TAGLN2: variants seen among roughly 807,000 people sequenced by gnomAD.
TAGLN2 encodes the protein transgelin 2.
In TAGLN2, 14 loss-of-function variants were observed where a neutral mutation model predicts 24.9. That is an observed-to-expected ratio of 0.56 (90% CI 0.37 to 0.88). The LOEUF is 0.88. Ranked by LOEUF, TAGLN2 falls within the 40% of genes least tolerant of loss-of-function variation. The pLI is 0.00. For missense variants in TAGLN2, 208 were observed against 258.9 expected (o/e 0.80, Z 1.35); for synonymous variants, 77 against 98.2 (o/e 0.78, Z 1.28).
intron 1 of TAGLN2, chr1:159,923,414 A>C (rs1650598818): frequency 3.2e-6 from 5 of 1,549,740 alleles, no homozygotes; most frequent in Non-Finnish European, 4.4e-6. Context: ...GGCCCCACCC[A>C]GACCCTGGGC....
At chr1:159,919,109 C>T in intron 4 of TAGLN2, 165 bp downstream of exon 4, 1 of 1,269,542 alleles carries the variant, frequency 7.9e-7, no homozygotes, top group Non-Finnish European at 1.1e-6. Flanking sequence ...AAGGGACAGT[C>T]ATTTGCCATC....
intron 1 of TAGLN2, 91 bp from the exon 2 acceptor site, chr1:159,920,628 A>C (rs1285896932): frequency 6.7e-7 from 1 of 1,499,414 alleles, no homozygotes. Context: ...GATATACACC[A>C]TTTCCCCCAC....
At chr1:159,923,705 C>T (rs1650610083) in intron 1 of TAGLN2, 3 of 399,812 alleles carry the variant, frequency 7.5e-6, no homozygotes, top group African/African-American at 2.2e-5. Context: ...CGTAGGGCAG[C>T]CCCTCACCAC....
chr1:159,918,571 G>A lies in TAGLN2; in HGVS notation c.*229C>T, dbSNP rs181751868. On this transcript the variant is annotated 3_prime_UTR_variant, in exon 5 of 5. Coordinates refer to ENST00000368097, the MANE Select transcript of TAGLN2 (RefSeq NM_003564.3). Reference sequence around the variant, plus strand: ...AAATTTTGGTCCCAGGGGAAAGGAAGAGGCCAGTTGGTCCAGTTTTGATGG... The same window carrying A: ...AAATTTTGGTCCCAGGGGAAAGGAAAAGGCCAGTTGGTCCAGTTTTGATGG... The A allele has an allele frequency of 2.4e-5, 13 of 546,438 alleles. No individual in the cohort carries two copies. The highest frequency in any genetic ancestry group is 5.0e-4 in the Middle Eastern group (1 of 1,982). The allele number at this position is 546,438 out of a possible 1,614,324, so 33.8% of individuals were successfully genotyped here. A position where few individuals can be genotyped will look rare whatever the true frequency, so the allele number is the denominator to read the frequency against.
chr1:159,923,728 G>A (rs768118688), intron 1 of TAGLN2: 63 of 414,582 alleles, frequency 1.5e-4, no homozygotes, highest in South Asian at 7.8e-4. Flanking sequence ...AGAGTCAGGA[G>A]CAGAAGAGAA....
rs1571202838 is a variant in TAGLN2 at position 159,920,634 on chromosome 1, C to T, written c.-28-97G>A. On this transcript the variant is annotated intron_variant, in intron 1 of 4. Transcript: ENST00000368097. ...GCCTGCAGGGATATACACCATTTCC[C>T]CCACGGTGAGCCCCAAGGATGAGGA... 11 of 1,490,414 alleles carry T rather than the reference C, an allele frequency of 7.4e-6. No individual in the cohort carries two copies. In the East Asian group the frequency reaches 2.7e-4, roughly 37 times the overall value. The allele number at this position is 1,490,414 out of a possible 1,614,324, so 92.3% of individuals were successfully genotyped here. A position where few individuals can be genotyped will look rare whatever the true frequency, so the allele number is the denominator to read the frequency against.
At position 159,918,675 on chromosome 1, in the gene TAGLN2, AC is replaced by A. The variant is rs1242357582; in HGVS notation, c.*124del. The A allele has an allele frequency of 9.5e-6, 13 of 1,373,570 alleles. No homozygotes were observed. The highest frequency in any genetic ancestry group is 2.6e-4 in the Middle Eastern group (1 of 3,798). The allele number at this position is 1,373,570 out of a possible 1,614,324, so 85.1% of individuals were successfully genotyped here. Reference sequence around the variant, plus strand: ...CCTCAGAGGTGACAGGACAGGCTGAACCCCCCACCCTGACAGAAAGGAGCTT... The same window carrying A: ...CCTCAGAGGTGACAGGACAGGCTGAACCCCCACCCTGACAGAAAGGAGCTT... On this transcript the variant is annotated 3_prime_UTR_variant, in exon 5 of 5. Coordinates refer to ENST00000368097, the MANE Select transcript of TAGLN2 (RefSeq NM_003564.3).
In TAGLN2 at chr1:159,918,705, A is replaced by G. The variant is rs1650422674; in HGVS notation, c.*95T>C. The stretch of plus-strand genomic sequence containing the variant: ...CCACCCTGACAGAAAGGAGCTTGAG[A>G]GCTCTGGGGCTCTCTGGGAATGTCA... On this transcript the variant is annotated 3_prime_UTR_variant, in exon 5 of 5. Coordinates refer to ENST00000368097, the MANE Select transcript of TAGLN2 (RefSeq NM_003564.3). The G allele has an allele frequency of 6.6e-7, 1 of 1,513,240 alleles. No individual in the cohort carries two copies. The highest frequency in any genetic ancestry group is 2.0e-5 in the Admixed American group (1 of 50,456). 93.7% of individuals were successfully genotyped at this position (1,513,240 alleles called of 1,614,324 possible). A position where few individuals can be genotyped will look rare whatever the true frequency, so the allele number is the denominator to read the frequency against.
intron 1 of TAGLN2, chr1:159,923,547 G>T: frequency 1.4e-6 from 2 of 1,438,610 alleles, no homozygotes; most frequent in Non-Finnish European, 1.9e-6. Context: ...TCCATCCACC[G>T]TGCAGATGGA....
chr1:159,919,605 C>T, intron 3 of TAGLN2, 56 bp downstream of exon 3: 2 of 1,594,760 alleles, frequency 1.3e-6, no homozygotes, highest in Non-Finnish European at 8.6e-7. Context: ...TCAAGAGGGC[C>T]CAGCCCAATC....
At chr1:159,919,536 G>A in intron 3 of TAGLN2, 125 bp downstream of exon 3, 1 of 1,359,560 alleles carries the variant, frequency 7.4e-7, no homozygotes, top group Non-Finnish European at 1.0e-6. Flanking sequence ...GTGCTCCATG[G>A]AACACAAACA....
intron 1 of TAGLN2, among the ~76,000 whole-genome samples, chr1:159,921,654 T>C (rs1265664175): frequency 2.0e-5 from 3 of 152,238 alleles, no homozygotes; most frequent in South Asian, 4.1e-4. Context: ...GGTGATATTT[T>C]TGGGGAAACC....
rs1650419843 is a variant in TAGLN2, at chr1:159,918,626, T to C, written c.*174A>G. 3.6e-6 allele frequency: 3 copies of C among 844,922 alleles called. No homozygotes were observed. The highest frequency in any genetic ancestry group is 3.7e-4 in the Middle Eastern group (1 of 2,712). 52.3% of individuals were successfully genotyped at this position (844,922 alleles called of 1,614,324 possible). ...GGGGAAGGGAATGTATTAGTAAGCA[T>C]GGGGGAGAGGATGCCAGCAGGCACC... is the stretch of plus-strand genomic sequence containing the variant. On this transcript the variant is annotated 3_prime_UTR_variant, in exon 5 of 5. Transcript: ENST00000368097.
Position 159,919,703 on chromosome 1 carries a change from T to C in TAGLN2, c.313A>G (p.Ile105Val), listed in dbSNP as rs1650463360. ...QFLQAAERYG[I>V]NTTDIFQTVD... Reference sequence around the variant, plus strand: ...GTTTGGAAGATGTCAGTGGTGTTAATGCCATAGCGCTCAGCTGCTTGCAGG... The same window carrying C: ...GTTTGGAAGATGTCAGTGGTGTTAACGCCATAGCGCTCAGCTGCTTGCAGG... The change falls in exon 3 of 5, where the codon ATT (isoleucine) becomes GTT (valine). Residue 105 changes from isoleucine to valine, a missense_variant. Coordinates refer to ENST00000368097, the MANE Select transcript of TAGLN2 (RefSeq NM_003564.3). 13 of 1,613,452 alleles carry C rather than the reference T, an allele frequency of 8.1e-6. No homozygotes were observed. The highest frequency in any genetic ancestry group is 1.1e-5 in the Non-Finnish European group (13 of 1,179,902).
At chr1:159,923,086 G>C (rs114043534) in intron 1 of TAGLN2, among the ~76,000 whole-genome samples, 3,211 of 152,358 alleles carry the variant, frequency 0.021, 117 homozygotes, top group African/African-American at 0.072. Context: ...GGCAGAAGCT[G>C]ATGGGCTGCG....
intron 1 of TAGLN2, among the ~76,000 whole-genome samples, chr1:159,921,797 T>A (rs1197940234): frequency 6.6e-6 from 1 of 152,198 alleles, no homozygotes; most frequent in Non-Finnish European, 1.5e-5. Context: ...TGGCAGTGTG[T>A]TCCCACCACA....
intron 1 of TAGLN2, chr1:159,923,351 T>C: frequency 6.8e-7 from 1 of 1,471,792 alleles, no homozygotes; most frequent in Non-Finnish European, 9.2e-7. Context: ...ACCCTCACCC[T>C]CACCCTGGAG....
intron 1 of TAGLN2, among the ~76,000 whole-genome samples, chr1:159,921,249 C>T (rs1650522060): frequency 6.6e-6 from 1 of 152,150 alleles, no homozygotes. Context: ...AAAGGGACTT[C>T]GTAGATGTGA....
intron 1 of TAGLN2, among the ~76,000 whole-genome samples, chr1:159,920,978 G>T (rs925360155): frequency 6.6e-6 from 1 of 152,158 alleles, no homozygotes; most frequent in Non-Finnish European, 1.5e-5. Context: ...ATACTAAAGT[G>T]CACAGTTCAG....
Sources: allele counts gnomAD v4.1 joint callset (sites outside exome capture counted in the v4.1 genomes callset), GRCh38; gene constraint gnomAD v4.1.1; transcripts MANE v1.5; gene names NCBI Gene and HGNC (gene_info 2026-07-23, HGNC 2026-07-21).